MITF: variants seen among roughly 807,000 people sequenced by gnomAD.
The protein encoded by MITF is melanocyte inducing transcription factor.
Under a neutral mutation model 60.5 loss-of-function variants are expected in MITF, and 17 were observed. The ratio of observed to expected loss-of-function variants is 0.28; its 90% CI spans 0.19 to 0.42. The LOEUF (loss-of-function observed/expected upper bound fraction) is 0.42, where lower values mean the gene tolerates loss of function less well. Ranked by LOEUF, MITF falls within the 10% of genes least tolerant of loss-of-function variation. The pLI is 1.00. For missense variants in MITF, 622 were observed against 683.5 expected (o/e 0.91, Z 1.00); for synonymous variants, 260 against 248.5 (o/e 1.05, Z -0.43).
At chr3:69,896,612 A>G (rs1169557192) in intron 2 of MITF, among the ~76,000 whole-genome samples, 4 of 152,164 alleles carry the variant, frequency 2.6e-5, no homozygotes, top group Non-Finnish European at 5.9e-5. Flanking sequence ...GTTTTGAGGG[A>G]TCTGCCCCCA....
intron 2 of MITF, among the ~76,000 whole-genome samples, chr3:69,929,029 T>A (rs1044644330): frequency 6.6e-6 from 1 of 152,216 alleles, no homozygotes; most frequent in African/African-American, 2.4e-5. Flanking sequence ...CTGCCTGGCC[T>A]GAAGACTTAG....
chr3:69,857,661 G>T (rs544249596), intron 1 of MITF, among the ~76,000 whole-genome samples: 87 of 152,152 alleles, frequency 5.7e-4, no homozygotes, highest in African/African-American at 2.0e-3. Context: ...GGTTGCAAAT[G>T]CATTCAATTT....
In MITF at chr3:69,949,047, C is replaced by G. The variant is rs1329796823; in HGVS notation, c.763-4C>G. On this transcript the variant is annotated splice_polypyrimidine_tract_variant and splice_region_variant and intron_variant, in intron 5 of 9. Transcript: ENST00000352241. Reference sequence around the variant, plus strand: ...AATTTCTGTTACTGTTTGTCTCTCTCTAGTTGCCTGTCTCGGGAAACTTGA... The same window carrying G: ...AATTTCTGTTACTGTTTGTCTCTCTGTAGTTGCCTGTCTCGGGAAACTTGA... 1.2e-6 allele frequency: 2 copies of G among 1,605,832 alleles called. No individual in the cohort carries two copies. Among genetic ancestry groups the G allele is most frequent in the Non-Finnish European group, 8.5e-7 (1 of 1,172,648 alleles).
At chr3:69,833,775 G>C (rs2063494088) in intron 1 of MITF, among the ~76,000 whole-genome samples, 1 of 152,234 alleles carries the variant, frequency 6.6e-6, no homozygotes, top group African/African-American at 2.4e-5. Context: ...TATGTACACT[G>C]TATGTGGTTG....
At chr3:69,963,568 AC>A (rs1364380939) in intron 9 of MITF, among the ~76,000 whole-genome samples, 1 of 152,204 alleles carries the variant, frequency 6.6e-6, no homozygotes, top group Non-Finnish European at 1.5e-5. Context: ...TTATTAAATA[AC>A]CATATTACTT....
chr3:69,910,374 A>T (rs1377859350), intron 2 of MITF, among the ~76,000 whole-genome samples: 1 of 152,206 alleles, frequency 6.6e-6, no homozygotes. Context: ...CAGAAGAGAA[A>T]TGTGGGGTTG....
intron 1 of MITF, among the ~76,000 whole-genome samples, chr3:69,852,497 C>T (rs1160171358): frequency 6.6e-6 from 1 of 152,202 alleles, no homozygotes; most frequent in East Asian, 1.9e-4. Context: ...TTGTATGTAG[C>T]AGTAGTTCAT....
At chr3:69,790,878 T>C (rs2062728937) in intron 1 of MITF, among the ~76,000 whole-genome samples, 1 of 152,214 alleles carries the variant, frequency 6.6e-6, no homozygotes, top group South Asian at 2.1e-4. Context: ...CGTGCAGATA[T>C]ACTAACTTCC....
chr3:69,835,037 T>TTC (rs2063519192), intron 1 of MITF, among the ~76,000 whole-genome samples: 1 of 145,528 alleles, frequency 6.9e-6, no homozygotes, highest in African/African-American at 2.6e-5. Context: ...TTTTTTTTTT[T>TTC]TGGCAAAGTC....
rs150051085 is a variant in MITF at position 69,897,740 on chromosome 3, T to C, written c.354+18357T>C. On this transcript the variant is annotated intron_variant, in intron 2 of 9. Transcript: ENST00000352241. ...TCTTCGAGAGTTGGGATCATATCTC[T>C]TTTGCTCACTTCTGTATCCTGGGCA... Among the ~76,000 whole-genome samples the C allele has an allele frequency of 7.6e-3, 1,159 of 152,300 alleles. 9 individuals are homozygous for C. The highest frequency in any genetic ancestry group is 0.026 in the African/African-American group (1,086 of 41,562).
intron 1 of MITF, among the ~76,000 whole-genome samples, chr3:69,790,181 A>T (rs1012616886): frequency 7.2e-5 from 11 of 152,224 alleles, no homozygotes; most frequent in African/African-American, 2.7e-4. Flanking sequence ...AGTGACAAGA[A>T]GGTAAATACT....
intron 1 of MITF, among the ~76,000 whole-genome samples, chr3:69,850,435 T>A (rs2063805652): frequency 6.6e-6 from 1 of 152,192 alleles, no homozygotes. Flanking sequence ...TAAAATAAGG[T>A]AATGCATATA....
At chr3:69,901,007 C>G (rs1487732409) in intron 2 of MITF, among the ~76,000 whole-genome samples, 2 of 151,252 alleles carry the variant, frequency 1.3e-5, no homozygotes, top group African/African-American at 2.4e-5. Flanking sequence ...AAAAACAAAA[C>G]AAAACAAAAA....
At chr3:69,961,280 G>C (rs2066537460) in intron 9 of MITF, among the ~76,000 whole-genome samples, 1 of 151,934 alleles carries the variant, frequency 6.6e-6, no homozygotes, top group Middle Eastern at 3.2e-3. Context: ...CTACTCGTGA[G>C]GCTGAGGCAG....
chr3:69,752,918 G>C (rs564059004), intron 1 of MITF, among the ~76,000 whole-genome samples: 3 of 152,282 alleles, frequency 2.0e-5, no homozygotes, highest in African/African-American at 7.2e-5. Context: ...GGCCTCCCCT[G>C]AAGCCTCCCC....
At chr3:69,812,210 A>G (rs763460749) in intron 1 of MITF, among the ~76,000 whole-genome samples, 1 of 152,188 alleles carries the variant, frequency 6.6e-6, no homozygotes, top group Non-Finnish European at 1.5e-5. Flanking sequence ...CTCTGTCCCA[A>G]AATAGCTCAA....
chr3:69,871,893 A>C (rs188807460), intron 1 of MITF, among the ~76,000 whole-genome samples: 1 of 152,208 alleles, frequency 6.6e-6, no homozygotes, highest in Non-Finnish European at 1.5e-5. Context: ...TTTCTTTTAA[A>C]ATACTCTCAG....
At chr3:69,947,386 C>T (rs1423311674) in intron 5 of MITF, among the ~76,000 whole-genome samples, 2 of 152,140 alleles carry the variant, frequency 1.3e-5, no homozygotes, top group Non-Finnish European at 2.9e-5. Context: ...TGTTTTGAAA[C>T]ATGTGAGTGC....
chr3:69,946,089 T>C (rs1443017010), intron 5 of MITF, among the ~76,000 whole-genome samples: 1 of 152,206 alleles, frequency 6.6e-6, no homozygotes, highest in African/African-American at 2.4e-5. Context: ...TTGTTAATCA[T>C]AGCAGTTACC....
Sources: gnomAD v4.1 joint callset for allele counts (sites outside exome capture counted in the v4.1 genomes callset) on GRCh38, gnomAD v4.1.1 for gene constraint, MANE v1.5 for transcripts, NCBI Gene and HGNC (gene_info 2026-07-23, HGNC 2026-07-21) for gene names.